TBL1XR1: variants seen among roughly 807,000 people sequenced by gnomAD.
The protein encoded by TBL1XR1 is TBL1X/Y related 1.
A neutral mutation model predicts 66.9 loss-of-function variants in TBL1XR1; 5 were observed. That is an observed-to-expected ratio of 0.07 (90% CI 0.04 to 0.16). The LOEUF is 0.16. Among genes scored for constraint, TBL1XR1 ranks in the 10% least tolerant of loss-of-function variants. The pLI, the probability that TBL1XR1 is intolerant of heterozygous loss-of-function variation, is 1.00. For missense variants in TBL1XR1, 238 were observed against 623.2 expected, an observed-to-expected ratio of 0.38 and a Z score of 6.58; for synonymous variants, 210 against 206.0, an observed-to-expected ratio of 1.02 and a Z score of -0.17.
At chr3:177,191,013 G>C (rs1197648031) in intron 1 of TBL1XR1, among the ~76,000 whole-genome samples, 2 of 152,132 alleles carry the variant, frequency 1.3e-5, no homozygotes, top group African/African-American at 4.8e-5. Context: ...TGGAAGAAGG[G>C]GGACTGAAAC....
intron 1 of TBL1XR1, among the ~76,000 whole-genome samples, chr3:177,171,876 G>C (rs776645973): frequency 1.3e-5 from 2 of 152,156 alleles, no homozygotes; most frequent in East Asian, 3.9e-4. Context: ...GACAGAGCAT[G>C]TTGAAAGGGC....
rs147553788 is a variant in TBL1XR1 at position 177,105,880 on chromosome 3, T to C, written c.-121-7339A>G. Among the ~76,000 whole-genome samples the C allele has an allele frequency of 3.2e-3, 485 of 152,220 alleles. 3 individuals are homozygous for C. Among genetic ancestry groups the C allele is most frequent in the Middle Eastern group, 0.014 (4 of 294 alleles). On this transcript the variant is annotated intron_variant, in intron 1 of 15. Transcript: ENST00000457928. ...GAAGGGACAGGATGGAGAATTTTAC[T>C]AGTCAGGTCTAATTATTAACCTAAG... is the stretch of plus-strand genomic sequence containing the variant.
In TBL1XR1 at chr3:177,041,578, T is replaced by C. The variant is rs1715591660; in HGVS notation, c.926-3144A>G. 2.0e-5 allele frequency among the ~76,000 whole-genome samples: 3 copies of C among 152,320 alleles called. No individual in the cohort carries two copies. In the South Asian group the frequency reaches 6.2e-4, roughly 32 times the overall value. Reference sequence around the variant, plus strand: ...CTAAATCAACTAGTAAACAAAAATATGTGCCAACTTTATCCGCATGATGTG... The same window carrying C: ...CTAAATCAACTAGTAAACAAAAATACGTGCCAACTTTATCCGCATGATGTG... On this transcript the variant is annotated intron_variant, in intron 10 of 15. Coordinates refer to ENST00000457928, the MANE Select transcript of TBL1XR1 (RefSeq NM_024665.7).
intron 1 of TBL1XR1, among the ~76,000 whole-genome samples, chr3:177,173,205 A>G (rs146420096): frequency 3.2e-4 from 48 of 152,194 alleles, no homozygotes; most frequent in Non-Finnish European, 6.5e-4. Context: ...ACAAAACAAA[A>G]CAAAACACCA....
At position 177,021,045 on chromosome 3, in the gene TBL1XR1, G is replaced by C. The variant is rs1218122441; in HGVS notation, c.*4453C>G. ...TAACATGTACAAAAACCTGTCATGG[G>C]CTGGTTTACACTTTTACAACAGTTT... is the stretch of plus-strand genomic sequence containing the variant. On this transcript the variant is annotated 3_prime_UTR_variant, in exon 16 of 16. Coordinates refer to ENST00000457928, the MANE Select transcript of TBL1XR1 (RefSeq NM_024665.7). The C allele has an allele frequency of 6.6e-6, 1 of 152,120 alleles. No individual in the cohort carries two copies. Among genetic ancestry groups the C allele is most frequent in the East Asian group, 1.9e-4 (1 of 5,190 alleles). The allele number at this position is 152,120 out of a possible 1,614,324, so 9.4% of individuals were successfully genotyped here. A position where few individuals can be genotyped will look rare whatever the true frequency, so the allele number is the denominator to read the frequency against.
chr3:177,050,403 T>A (rs1043026353), intron 6 of TBL1XR1, 75 bp downstream of exon 6: 39 of 1,527,670 alleles, frequency 2.6e-5, no homozygotes, highest in Non-Finnish European at 3.4e-5. Flanking sequence ...ACAGAAAACC[T>A]GAATAATGCA....
chr3:177,042,376 A>C (rs1167278443), intron 10 of TBL1XR1, among the ~76,000 whole-genome samples: 1 of 152,184 alleles, frequency 6.6e-6, no homozygotes, highest in Non-Finnish European at 1.5e-5. Context: ...AAAATGTTAG[A>C]GAGGAGGCTA....
chr3:177,134,179 T>C (rs1256820331), intron 1 of TBL1XR1, among the ~76,000 whole-genome samples: 1 of 152,206 alleles, frequency 6.6e-6, no homozygotes, highest in Non-Finnish European at 1.5e-5. Flanking sequence ...ACCTAGATTC[T>C]TTATTCCTGT....
At chr3:177,054,042 GGTCGTGT>G (rs934173118) in intron 3 of TBL1XR1, 124 bp from the exon 4 acceptor site, 2 of 954,524 alleles carry the variant, frequency 2.1e-6, no homozygotes, top group Middle Eastern at 2.4e-4. Flanking sequence ...CCCAGACGAA[GGTCGTGT>G]GTGTGTGTGT....
chr3:177,036,496 G>T (rs1008815044), intron 12 of TBL1XR1, among the ~76,000 whole-genome samples: 2 of 152,202 alleles, frequency 1.3e-5, no homozygotes, highest in African/African-American at 4.8e-5. Flanking sequence ...ACAATTTCTA[G>T]TTTTAACCTC....
At chr3:177,051,121 A>C (rs1171146458) in intron 5 of TBL1XR1, among the ~76,000 whole-genome samples, 2 of 152,226 alleles carry the variant, frequency 1.3e-5, no homozygotes, top group African/African-American at 4.8e-5. Flanking sequence ...AGAAAATAAA[A>C]GTAAATCTAG....
At chr3:177,038,971 G>C (rs2108440053) in intron 10 of TBL1XR1, among the ~76,000 whole-genome samples, 1 of 152,198 alleles carries the variant, frequency 6.6e-6, no homozygotes, top group East Asian at 1.9e-4. Context: ...AATCCACAAT[G>C]CTCCAAAATC....
At chr3:177,174,650 A>G (rs1176384893) in intron 1 of TBL1XR1, among the ~76,000 whole-genome samples, 1 of 152,096 alleles carries the variant, frequency 6.6e-6, no homozygotes, top group African/African-American at 2.4e-5. Flanking sequence ...CTCTCTTATG[A>G]ATCTCCAATT....
intron 10 of TBL1XR1, among the ~76,000 whole-genome samples, chr3:177,043,279 G>A (rs1185573223): frequency 2.6e-5 from 4 of 152,152 alleles, no homozygotes; most frequent in Admixed American, 1.3e-4. Context: ...ACAATTGGAA[G>A]CACAATAATT....
At chr3:177,037,450 G>C (rs746885271) in intron 12 of TBL1XR1, 1 of 152,272 alleles carries the variant, frequency 6.6e-6, no homozygotes, top group South Asian at 2.1e-4. Context: ...TCCCAGTTGA[G>C]ACAGGCATTT....
At chr3:177,159,704 AAGTACC>A (rs1413471280) in intron 1 of TBL1XR1, among the ~76,000 whole-genome samples, 2 of 152,222 alleles carry the variant, frequency 1.3e-5, no homozygotes, top group Non-Finnish European at 2.9e-5. Context: ...AAGTGTTACA[AAGTACC>A]AGCTCCTACG....
chr3:177,108,864 GA>G, intron 1 of TBL1XR1, among the ~76,000 whole-genome samples: 1 of 152,242 alleles, frequency 6.6e-6, no homozygotes, highest in African/African-American at 2.4e-5. Flanking sequence ...AAGGAAGGAA[GA>G]AACAGAAAAC....
Position 177,023,232 on chromosome 3 carries a change from A to C in TBL1XR1, c.*2266T>G, listed in dbSNP as rs1712621528. Reference sequence around the variant, plus strand: ...GATTTAAATTCAGTGCAATTGACAAATGCATCACTAAAGGAAAATGCAGCT... The same window carrying C: ...GATTTAAATTCAGTGCAATTGACAACTGCATCACTAAAGGAAAATGCAGCT... On this transcript the variant is annotated 3_prime_UTR_variant, in exon 16 of 16. Transcript: ENST00000457928. The C allele has an allele frequency of 6.6e-6, 1 of 152,568 alleles. No homozygotes were observed. The highest frequency in any genetic ancestry group is 2.1e-4 in the South Asian group (1 of 4,834). The allele number at this position is 152,568 out of a possible 1,614,324, so 9.5% of individuals were successfully genotyped here. A position where few individuals can be genotyped will look rare whatever the true frequency, so the allele number is the denominator to read the frequency against.
intron 1 of TBL1XR1, among the ~76,000 whole-genome samples, chr3:177,112,086 TATATATATATATATA>T (rs1725652135): frequency 7.0e-5 from 3 of 42,612 alleles, no homozygotes; most frequent in Admixed American, 2.2e-4. Context: ...TATATATATA[TATATATATATATATA>T]TATATATTTT....
Sources: gnomAD v4.1 joint callset for allele counts (sites outside exome capture counted in the v4.1 genomes callset) on GRCh38, gnomAD v4.1.1 for gene constraint, MANE v1.5 for transcripts, NCBI Gene and HGNC (gene_info 2026-07-23, HGNC 2026-07-21) for gene names.